The following RBFOX1 variants were observed in gnomAD, a reference collection of about 807,000 sequenced individuals.
RBFOX1 encodes the protein RNA binding protein fox-1 homolog 1.
A neutral mutation model predicts 57.7 loss-of-function variants in RBFOX1; 8 were observed. The ratio of observed to expected loss-of-function variants is 0.14; its 90% CI spans 0.08 to 0.25. RBFOX1 has a LOEUF of 0.25. RBFOX1 is among the 10% of genes least tolerant of loss of function. The pLI is 1.00. For missense variants in RBFOX1, 611 were observed against 548.5 expected (o/e 1.11, Z -1.14); for synonymous variants, 326 against 222.4 (o/e 1.47, Z -4.15).
intron 2 of RBFOX1, among the ~76,000 whole-genome samples, chr16:6,406,578 ATTT>A (rs112009529): frequency 6.4e-5 from 9 of 140,830 alleles, no homozygotes; most frequent in African/African-American, 2.3e-4. Flanking sequence ...GAAGTCGAAC[ATTT>A]TTTTTTTTTT....
intron 2 of RBFOX1, among the ~76,000 whole-genome samples, chr16:6,450,827 A>ATGTGTG (rs1272807125): frequency 1.7e-4 from 6 of 35,842 alleles, no homozygotes; most frequent in South Asian, 7.6e-4. Flanking sequence ...ACATATATAT[A>ATGTGTG]TATATATATG....
chr16:5,547,159 A>G (rs147679472), intron 2 of RBFOX1, among the ~76,000 whole-genome samples: 15 of 152,324 alleles, frequency 9.8e-5, no homozygotes, highest in African/African-American at 3.6e-4. Context: ...ATGAGAATGT[A>G]AAATGGTATA....
intron 1 of RBFOX1, among the ~76,000 whole-genome samples, chr16:5,355,630 A>G (rs2065368732): frequency 6.6e-6 from 1 of 152,168 alleles, no homozygotes; most frequent in Admixed American, 6.5e-5. Context: ...AGGGGCCTGT[A>G]GTGGGTTGAG....
At chr16:6,864,995 CTT>C (rs34341448) in intron 3 of RBFOX1, among the ~76,000 whole-genome samples, 4 of 82,566 alleles carry the variant, frequency 4.8e-5, no homozygotes, top group African/African-American at 1.7e-4. Flanking sequence ...TTTTCTTTTT[CTT>C]TTTTTTTTTT....
At chr16:5,699,646 G>T (rs1012902384) in intron 3 of RBFOX1, among the ~76,000 whole-genome samples, 9 of 152,020 alleles carry the variant, frequency 5.9e-5, no homozygotes, top group Non-Finnish European at 1.3e-4. Context: ...TGTCAGCTCT[G>T]GGTTGGGGTG....
chr16:7,540,126 C>A (rs886956951), intron 5 of RBFOX1, among the ~76,000 whole-genome samples: 2 of 152,128 alleles, frequency 1.3e-5, no homozygotes, highest in Non-Finnish European at 2.9e-5. Context: ...ATTCTTCTAA[C>A]CCCCGTCTCC....
chr16:6,483,539 C>G (rs1422325834), intron 2 of RBFOX1: 6 of 1,535,432 alleles, frequency 3.9e-6, no homozygotes, highest in Non-Finnish European at 4.4e-6. Flanking sequence ...GGGAGATGCC[C>G]TTCAGGTACG....
chr16:6,172,538 C>G (rs543844245), intron 1 of RBFOX1, among the ~76,000 whole-genome samples: 4 of 152,260 alleles, frequency 2.6e-5, no homozygotes, highest in South Asian at 4.1e-4. Flanking sequence ...GTAGAAAGTC[C>G]TCTGTAAGCT....
rs535403104 is a variant in RBFOX1 at position 7,278,507 on chromosome 16, C to T, written c.27+226409C>T. The stretch of plus-strand genomic sequence containing the variant: ...AGATCTGTCCAATATTACCAGCATA[C>T]CTTTTAAGAAAGTGTATTCATCCTT... On this transcript the variant is annotated intron_variant, in intron 4 of 15. Transcript: ENST00000550418. Among the ~76,000 whole-genome samples the T allele has an allele frequency of 2.0e-5, 3 of 152,256 alleles. No individual in the cohort carries two copies. The South Asian group carries it at 6.2e-4, about 32-fold the overall frequency.
intron 3 of RBFOX1, among the ~76,000 whole-genome samples, chr16:5,784,014 A>G (rs1315006861): frequency 2.0e-5 from 3 of 152,214 alleles, no homozygotes; most frequent in Non-Finnish European, 4.4e-5. Flanking sequence ...GGTAATTTAT[A>G]AATAAAAGAG....
At chr16:7,485,886 A>C (rs2065234105) in intron 4 of RBFOX1, among the ~76,000 whole-genome samples, 1 of 152,144 alleles carries the variant, frequency 6.6e-6, no homozygotes, top group African/African-American at 2.4e-5. Context: ...TTGTAAATAA[A>C]GTTTTATTGG....
At chr16:7,362,287 G>C (rs111065631) in intron 4 of RBFOX1, among the ~76,000 whole-genome samples, 1 of 124,142 alleles carries the variant, frequency 8.1e-6, no homozygotes, top group Non-Finnish European at 1.7e-5. Context: ...ATGTTAGTAT[G>C]TGTATGTTTT....
At chr16:6,542,131 G>A (rs1331145906) in intron 2 of RBFOX1, among the ~76,000 whole-genome samples, 1 of 151,968 alleles carries the variant, frequency 6.6e-6, no homozygotes, top group African/African-American at 2.4e-5. Context: ...TTGCTATGTT[G>A]CCCAGCCTCG....
intron 10 of RBFOX1, 130 bp from the exon 11 acceptor site, chr16:7,630,473 A>G: frequency 6.6e-7 from 1 of 1,514,654 alleles, no homozygotes; most frequent in East Asian, 2.5e-5. Flanking sequence ...TTTGTTGGGT[A>G]CCCTTGTCCT....
intron 4 of RBFOX1, among the ~76,000 whole-genome samples, chr16:7,366,473 T>C (rs17143499): frequency 0.016 from 2,360 of 152,218 alleles, 64 homozygotes; most frequent in African/African-American, 0.054. Flanking sequence ...GGCTTGTGAA[T>C]TGATAAACCC....
intron 4 of RBFOX1, among the ~76,000 whole-genome samples, chr16:5,992,308 G>T (rs895598513): frequency 6.6e-6 from 1 of 152,178 alleles, no homozygotes; most frequent in Non-Finnish European, 1.5e-5. Context: ...GGGAAAAAAA[G>T]GTTAACATTG....
intron 2 of RBFOX1, among the ~76,000 whole-genome samples, chr16:6,323,681 T>C (rs1369941488): frequency 6.6e-6 from 1 of 152,206 alleles, no homozygotes; most frequent in Non-Finnish European, 1.5e-5. Flanking sequence ...GAAAACATTA[T>C]TTATATGTTT....
intron 7 of RBFOX1, among the ~76,000 whole-genome samples, chr16:7,592,568 C>G (rs2094498495): frequency 6.6e-6 from 1 of 152,150 alleles, no homozygotes; most frequent in Non-Finnish European, 1.5e-5. Context: ...ACCAGTGGGG[C>G]TATGGATTTT....
At chr16:6,385,939 C>CTT (rs763480257) in intron 2 of RBFOX1, among the ~76,000 whole-genome samples, 186 of 71,372 alleles carry the variant, frequency 2.6e-3, no homozygotes, top group Non-Finnish European at 4.2e-3. Flanking sequence ...TTTTTTCTTT[C>CTT]TTTTTTTTTT....
Sources: allele counts gnomAD v4.1 joint callset (sites outside exome capture counted in the v4.1 genomes callset), GRCh38; gene constraint gnomAD v4.1.1; transcripts MANE v1.5; gene names NCBI Gene and HGNC (gene_info 2026-07-23, HGNC 2026-07-21).